The following CA8 variants were observed in gnomAD, a reference collection of about 807,000 sequenced individuals.
CA8 encodes carbonic anhydrase 8 (inactive).
Under a neutral mutation model 41.4 loss-of-function variants are expected in CA8, and 22 were observed. That is an observed-to-expected ratio of 0.53 (90% CI 0.38 to 0.76). CA8 has a LOEUF of 0.76. CA8 is among the 30% of genes least tolerant of loss of function. The pLI, the probability that CA8 is intolerant of heterozygous loss-of-function variation, is 0.00. For synonymous variants in CA8, 121 were observed against 130.6 expected, an observed-to-expected ratio of 0.93 and a Z score of 0.50; for missense variants, 270 against 352.8, an observed-to-expected ratio of 0.77 and a Z score of 1.88.
Position 60,188,201 on chromosome 8 carries a change from G to C in CA8, c.*1820C>G, listed in dbSNP as rs1806015646. On this transcript the variant is annotated 3_prime_UTR_variant, in exon 9 of 9. Coordinates refer to ENST00000317995, the MANE Select transcript of CA8 (RefSeq NM_004056.6). ...ACACATACACACACACCTGTGAAGGGTGAAGTCTGAACAACTAGATGTTAT... is the reference window on the plus strand; with the variant it reads ...ACACATACACACACACCTGTGAAGGCTGAAGTCTGAACAACTAGATGTTAT... 6.6e-6 allele frequency: 1 copy of C among 152,138 alleles called. No individual in the cohort carries two copies. Among genetic ancestry groups the C allele is most frequent in the South Asian group, 2.1e-4 (1 of 4,824 alleles). 9.4% of individuals were successfully genotyped at this position (152,138 alleles called of 1,614,324 possible). A position where few individuals can be genotyped will look rare whatever the true frequency, so the allele number is the denominator to read the frequency against.
intron 3 of CA8, among the ~76,000 whole-genome samples, chr8:60,249,498 C>A (rs927101280): frequency 3.3e-5 from 5 of 152,234 alleles, no homozygotes; most frequent in Admixed American, 1.3e-4. Flanking sequence ...ATAGCAAACA[C>A]AAATAAAATA....
chr8:60,214,343 C>T (rs1440395527), intron 7 of CA8, among the ~76,000 whole-genome samples: 1 of 152,136 alleles, frequency 6.6e-6, no homozygotes, highest in Non-Finnish European at 1.5e-5. Flanking sequence ...GGGAAGGACC[C>T]TCATGGCCTA....
intron 8 of CA8, among the ~76,000 whole-genome samples, chr8:60,205,428 G>C (rs750314447): frequency 1.7e-4 from 26 of 152,174 alleles, no homozygotes; most frequent in Non-Finnish European, 3.1e-4. Context: ...GAGTACCAAT[G>C]TCATGATACC....
At chr8:60,274,084 G>T (rs937924139) in intron 2 of CA8, among the ~76,000 whole-genome samples, 6 of 152,024 alleles carry the variant, frequency 3.9e-5, no homozygotes, top group Admixed American at 2.0e-4. Context: ...CCTCAGGGAG[G>T]GCTGAGGTTT....
At chr8:60,264,537 G>A (rs927805829) in intron 3 of CA8, among the ~76,000 whole-genome samples, 7 of 152,230 alleles carry the variant, frequency 4.6e-5, no homozygotes, top group African/African-American at 1.7e-4. Context: ...GATGGGACAG[G>A]AGAGAGAGGT....
At chr8:60,211,864 AC>A (rs1404398093) in intron 7 of CA8, among the ~76,000 whole-genome samples, 24 of 152,230 alleles carry the variant, frequency 1.6e-4, no homozygotes, top group Non-Finnish European at 1.2e-4. Context: ...TGAATCAGCC[AC>A]ACTGAAATGA....
chr8:60,245,896 G>C (rs1202386929), intron 3 of CA8, among the ~76,000 whole-genome samples: 3 of 152,170 alleles, frequency 2.0e-5, no homozygotes, highest in African/African-American at 7.2e-5. Flanking sequence ...GACTGGGCTG[G>C]GTGCAGCCGG....
chr8:60,272,348 T>C (rs1804098707), intron 2 of CA8, among the ~76,000 whole-genome samples: 2 of 151,968 alleles, frequency 1.3e-5, no homozygotes, highest in Non-Finnish European at 2.9e-5. Context: ...GCTGCCAGCT[T>C]GATTTTCTTA....
intron 8 of CA8, among the ~76,000 whole-genome samples, chr8:60,197,238 A>G (rs770473770): frequency 2.6e-5 from 4 of 152,192 alleles, no homozygotes; most frequent in Non-Finnish European, 5.9e-5. Context: ...CAATGTATGT[A>G]AAACCATTTT....
chr8:60,193,606 C>T (rs954183943), intron 8 of CA8, among the ~76,000 whole-genome samples: 4 of 152,178 alleles, frequency 2.6e-5, no homozygotes, highest in Non-Finnish European at 4.4e-5. Flanking sequence ...CCTCAGAATT[C>T]TGAAGGTCAT....
chr8:60,206,353 G>C (rs1443552283), intron 8 of CA8, among the ~76,000 whole-genome samples: 1 of 152,092 alleles, frequency 6.6e-6, no homozygotes, highest in African/African-American at 2.4e-5. Flanking sequence ...GTGTGTGTGT[G>C]CGCGTGTGTG....
rs939875867 is a variant in CA8 at position 60,186,225 on chromosome 8, T to C, written c.*3796A>G. On this transcript the variant is annotated 3_prime_UTR_variant, in exon 9 of 9. Transcript: ENST00000317995. ...ACAATGTATTGTTGGGCTTACAGCA[T>C]GTATAGATGTAATATGTATAACAAT... is the stretch of plus-strand genomic sequence containing the variant. Among the ~76,000 whole-genome samples, 1 of 152,026 alleles carries C rather than the reference T, an allele frequency of 6.6e-6. No homozygotes were observed.
chr8:60,274,903 A>G (rs1365469668), intron 2 of CA8, among the ~76,000 whole-genome samples: 1 of 152,236 alleles, frequency 6.6e-6, no homozygotes, highest in African/African-American at 2.4e-5. Context: ...GTGGCAGTGC[A>G]AAGTAGGAAA....
At chr8:60,202,778 C>T (rs574671065) in intron 8 of CA8, among the ~76,000 whole-genome samples, 1 of 152,028 alleles carries the variant, frequency 6.6e-6, no homozygotes, top group Non-Finnish European at 1.5e-5. Context: ...AAAGCACTTA[C>T]CAAAACATAT....
chr8:60,254,325 T>C (rs1808550074), intron 3 of CA8, among the ~76,000 whole-genome samples: 1 of 152,124 alleles, frequency 6.6e-6, no homozygotes, highest in African/African-American at 2.4e-5. Flanking sequence ...GAACATCCCA[T>C]TGCAGCTCAG....
At chr8:60,233,997 C>G (rs1807746145) in intron 3 of CA8, among the ~76,000 whole-genome samples, 1 of 152,142 alleles carries the variant, frequency 6.6e-6, no homozygotes, top group Admixed American at 6.6e-5. Flanking sequence ...AAGTATGGAA[C>G]AGGGATAAAA....
chr8:60,265,091 T>C (rs1803856432), intron 3 of CA8: 1 of 152,060 alleles, frequency 6.6e-6, no homozygotes, highest in South Asian at 2.1e-4. Flanking sequence ...CTTCTAGAAA[T>C]AACATCAAGA....
chr8:60,264,813 AT>A (rs1344968950), intron 3 of CA8: 1 of 152,120 alleles, frequency 6.6e-6, no homozygotes, highest in African/African-American at 2.4e-5. Flanking sequence ...GCTTCCAGAG[AT>A]TTTTTTATTA....
chr8:60,276,010 A>G (rs1419776590), intron 2 of CA8, among the ~76,000 whole-genome samples: 4 of 152,224 alleles, frequency 2.6e-5, no homozygotes, highest in African/African-American at 9.6e-5. Context: ...TCAAGTGTGA[A>G]GTATAATAAA....
Sources: allele counts gnomAD v4.1 joint callset (sites outside exome capture counted in the v4.1 genomes callset), GRCh38; gene constraint gnomAD v4.1.1; transcripts MANE v1.5; gene names NCBI Gene and HGNC (gene_info 2026-07-23, HGNC 2026-07-21).